The following TPCN1 variants were observed in gnomAD, a reference collection of about 807,000 sequenced individuals.
The protein encoded by TPCN1 is two pore segment channel 1.
Under a neutral mutation model 108.8 loss-of-function variants are expected in TPCN1, and 52 were observed. The ratio of observed to expected loss-of-function variants is 0.48; its 90% CI spans 0.38 to 0.60. The LOEUF (loss-of-function observed/expected upper bound fraction) is 0.60, where lower values mean the gene tolerates loss of function less well. Among genes scored for constraint, TPCN1 ranks in the 20% least tolerant of loss-of-function variants. The pLI is 0.00. For synonymous variants in TPCN1, 446 were observed against 433.7 expected (o/e 1.03, Z -0.35); for missense variants, 806 against 1,072.8 (o/e 0.75, Z 3.47).
chr12:113,223,801 C>T (rs778549802), intron 1 of TPCN1, among the ~76,000 whole-genome samples: 12 of 152,184 alleles, frequency 7.9e-5, no homozygotes, highest in Non-Finnish European at 1.3e-4. Context: ...GCCTCGGCCT[C>T]TCAAAATGTT....
chr12:113,295,827 T>A (rs1421643501), intron 27 of TPCN1, 133 bp from the exon 28 acceptor site: 1 of 1,000,068 alleles, frequency 1.0e-6, no homozygotes, highest in Non-Finnish European at 1.4e-6. Flanking sequence ...TGACGGGGGT[T>A]TCAGTACCAG....
intron 2 of TPCN1, among the ~76,000 whole-genome samples, chr12:113,249,148 C>A (rs1295932900): frequency 2.0e-5 from 3 of 152,192 alleles, no homozygotes; most frequent in Non-Finnish European, 2.9e-5. Context: ...CACCCCAGGG[C>A]CTTCTCCTGC....
intron 10 of TPCN1, among the ~76,000 whole-genome samples, chr12:113,275,191 T>A (rs1205253573): frequency 6.6e-6 from 1 of 152,188 alleles, no homozygotes; most frequent in Non-Finnish European, 1.5e-5. Context: ...AGTATAGAAA[T>A]GAAAATCATC....
intron 2 of TPCN1, among the ~76,000 whole-genome samples, chr12:113,241,007 C>G (rs1954094861): frequency 6.6e-6 from 1 of 152,160 alleles, no homozygotes. Context: ...TGGTGAGCCT[C>G]CCTAAGTGCT....
chr12:113,262,136 T>C (rs1955064203), intron 3 of TPCN1, among the ~76,000 whole-genome samples: 1 of 152,246 alleles, frequency 6.6e-6, no homozygotes, highest in South Asian at 2.1e-4. Context: ...ATCATAATTT[T>C]CCCTAATCTT....
At position 113,269,679 on chromosome 12, in the gene TPCN1, C is replaced by A; in HGVS notation, c.660-78C>A. 8.3e-7 allele frequency: 1 copy of A among 1,199,528 alleles called. No homozygotes were observed. Among genetic ancestry groups the A allele is most frequent in the Non-Finnish European group, 1.2e-6 (1 of 819,608 alleles). The allele number at this position is 1,199,528 out of a possible 1,614,324, so 74.3% of individuals were successfully genotyped here. A position where few individuals can be genotyped will look rare whatever the true frequency, so the allele number is the denominator to read the frequency against. Reference sequence around the variant, plus strand: ...AGTATTTCGAGTCAGAAGCACTAGGCCTCCATCTCAACAAGGAGGAGTCCC... The same window carrying A: ...AGTATTTCGAGTCAGAAGCACTAGGACTCCATCTCAACAAGGAGGAGTCCC... On this transcript the variant is annotated intron_variant, in intron 6 of 27. Coordinates refer to ENST00000335509, the MANE Select transcript of TPCN1 (RefSeq NM_017901.6). The surrounding 1 kb of genome is among the most constrained non-coding windows in gnomAD (Gnocchi z 5.0).
chr12:113,254,016 G>T (rs1322688449), intron 2 of TPCN1, among the ~76,000 whole-genome samples: 1 of 152,206 alleles, frequency 6.6e-6, no homozygotes, highest in Non-Finnish European at 1.5e-5. Flanking sequence ...TGCTCTGGTG[G>T]CAAGCTGCTA....
rs1351015421 is a variant in TPCN1, at chr12:113,291,884, C to T, written c.2039C>T (p.Thr680Met). 17 of 1,597,734 alleles carry T rather than the reference C, an allele frequency of 1.1e-5. No individual in the cohort carries two copies. The highest frequency in any genetic ancestry group is 1.4e-5 in the Non-Finnish European group (16 of 1,169,832). ...CCTATCCCTGGCCAGGTGGTGATGA[C>T]GATCATTGTCGCCTTTATCCTCGAG... ...TFYIVTMVVMTIIVAFILEAF... is the reference protein window; with the variant it reads ...TFYIVTMVVMMIIVAFILEAF... The change falls in exon 25 of 28, where the codon ACG (threonine) becomes ATG (methionine). Residue 680 changes from threonine (T) to methionine (M), a missense_variant. Coordinates refer to ENST00000335509, the MANE Select transcript of TPCN1 (RefSeq NM_017901.6).
chr12:113,273,296 T>C lies in TPCN1; in HGVS notation c.842+6T>C, dbSNP rs984122185. The stretch of plus-strand genomic sequence containing the variant: ...GTCCTTCTGACCACAGCCAAGTAAG[T>C]GCAGGCTCTGCCTTGCCTTTGGTCC... On this transcript the variant is annotated splice_donor_region_variant and intron_variant, in intron 9 of 27. Transcript: ENST00000335509. This position sits in a 1 kb window ranked among gnomAD's most constrained non-coding sequence, Gnocchi z 4.0. 10 of 1,614,112 alleles carry C rather than the reference T, an allele frequency of 6.2e-6. No individual in the cohort carries two copies. The Admixed American group carries it at 1.3e-4, about 22-fold the overall frequency.
At chr12:113,265,493 A>T (rs1308080490) in intron 3 of TPCN1, among the ~76,000 whole-genome samples, 2 of 150,814 alleles carry the variant, frequency 1.3e-5, no homozygotes, top group Non-Finnish European at 3.0e-5. Flanking sequence ...CTCTGAGGGG[A>T]TTGGACATGC....
intron 11 of TPCN1, 42 bp from the exon 12 acceptor site, chr12:113,277,198 G>A (rs1955704036): frequency 3.1e-6 from 5 of 1,610,382 alleles, no homozygotes; most frequent in South Asian, 1.1e-5. Context: ...CCAAGGGAAG[G>A]GGAGTAGCCT....
intron 3 of TPCN1, among the ~76,000 whole-genome samples, chr12:113,262,495 C>T (rs1955080670): frequency 2.0e-5 from 3 of 151,902 alleles, no homozygotes; most frequent in Admixed American, 2.0e-4. Flanking sequence ...GTTCATGCAG[C>T]ATCATATACA....
At chr12:113,234,719 C>T (rs768635014) in intron 2 of TPCN1, among the ~76,000 whole-genome samples, 6 of 152,180 alleles carry the variant, frequency 3.9e-5, no homozygotes, top group Non-Finnish European at 8.8e-5. Context: ...TGGGGCCTGC[C>T]GGACCAGGGG....
chr12:113,252,221 AG>A (rs1402100276), intron 2 of TPCN1, among the ~76,000 whole-genome samples: 9 of 152,134 alleles, frequency 5.9e-5, no homozygotes, highest in African/African-American at 2.2e-4. Flanking sequence ...AGATTAGCAA[AG>A]GTTACCTGCT....
At chr12:113,276,893 T>C in intron 10 of TPCN1, 26 bp from the exon 11 acceptor site, 1 of 1,548,572 alleles carries the variant, frequency 6.5e-7, no homozygotes, top group Non-Finnish European at 8.9e-7. Flanking sequence ...GGTCCTGAGC[T>C]AGGGCTCTGT....
At position 113,268,870 on chromosome 12, in the gene TPCN1, G is replaced by T. The variant is rs1478381883; in HGVS notation, c.657G>T (p.Arg219=). The change falls in exon 6 of 28, where the codon CGG becomes CGT. Residue 219 remains arginine (R), a splice_region_variant and synonymous_variant. Transcript: ENST00000335509. The surrounding 1 kb of genome is among the most constrained non-coding windows in gnomAD (Gnocchi z 7.3). ...LVDCRYCGGV[R]RNLRQIFQSL... ...ACTGTCGGTATTGCGGTGGCGTCCGGCGGTAAGGCCCGGGTGGGGAGCTGG... is the reference window on the plus strand; with the variant it reads ...ACTGTCGGTATTGCGGTGGCGTCCGTCGGTAAGGCCCGGGTGGGGAGCTGG... The T allele has an allele frequency of 6.2e-7, 1 of 1,613,858 alleles. No homozygotes were observed. Among genetic ancestry groups the T allele is most frequent in the Admixed American group, 1.7e-5 (1 of 60,016 alleles).
At chr12:113,260,596 C>A in intron 3 of TPCN1, 104 bp downstream of exon 3, 1 of 1,362,026 alleles carries the variant, frequency 7.3e-7, no homozygotes, top group Admixed American at 2.9e-5. Context: ...AGCATCAGTT[C>A]ATGCTGCTGC....
At chr12:113,253,082 T>C (rs757920926) in intron 2 of TPCN1, among the ~76,000 whole-genome samples, 3 of 152,192 alleles carry the variant, frequency 2.0e-5, no homozygotes, top group Non-Finnish European at 4.4e-5. Context: ...CAGCCTAGTT[T>C]GGGATCCCAG....
rs760929333 is a variant in TPCN1, at chr12:113,267,876, G to A, written c.448G>A (p.Val150Met). Residue 150 changes from valine to methionine, a missense_variant, in exon 5 of 28, where the codon GTG becomes ATG. Transcript: ENST00000335509. ...CACCCTGGAGCTGTTTGCCCTGATG[G>A]TGGTAGTGTTTGAACTCTGCATGAA... ...HATLELFALM[V>M]VVFELCMKLR... 5 of 1,614,012 alleles carry A rather than the reference G, an allele frequency of 3.1e-6. No individual in the cohort carries two copies. The highest frequency in any genetic ancestry group is 1.3e-5 in the African/African-American group (1 of 74,920).
Sources: allele counts gnomAD v4.1 joint callset (sites outside exome capture counted in the v4.1 genomes callset), GRCh38; gene constraint gnomAD v4.1.1; non-coding constraint Gnocchi (gnomAD v3.1); transcripts MANE v1.5; gene names NCBI Gene and HGNC (gene_info 2026-07-23, HGNC 2026-07-21).